Variants in HHIP observed in about 807,000 individuals in gnomAD.
HHIP encodes the protein hedgehog-interacting protein.
In HHIP, 12 loss-of-function variants were observed where a neutral mutation model predicts 74.0. The observed-to-expected ratio is 0.16, with a 90% CI of 0.10 to 0.26. The LOEUF is 0.26. Ranked by LOEUF, HHIP falls within the 10% of genes least tolerant of loss-of-function variation. The probability of loss-of-function intolerance (pLI) is 1.00; values close to 1 mark genes in which losing one functional copy is unlikely to be tolerated. For synonymous variants in HHIP, 309 were observed against 311.6 expected (o/e 0.99, Z 0.09); for missense variants, 788 against 845.0 (o/e 0.93, Z 0.84).
In HHIP at chr4:144,711,935, C is replaced by T. The variant is rs764652770; in HGVS notation, c.1302-15C>T. 2.5e-6 allele frequency: 4 copies of T among 1,609,878 alleles called. No homozygotes were observed. Among genetic ancestry groups the T allele is most frequent in the Middle Eastern group, 1.7e-4 (1 of 6,030 alleles). On this transcript the variant is annotated splice_polypyrimidine_tract_variant and intron_variant, in intron 7 of 12. Transcript: ENST00000296575. ...TCACGGTAGGAATTAATGTGTATCC[C>T]CTCTTGTTATGCAGATGTGCTGTGG... is the stretch of plus-strand genomic sequence containing the variant.
At position 144,728,983 on chromosome 4, in the gene HHIP, GAAGA is replaced by G. The variant is rs577787060; in HGVS notation, c.1761-5751_1761-5748del. ...TACTCCTTATAAGTAAACTGACACT[GAAGA>G]AAGAAACACCGATATGACCAGGAAA... On this transcript the variant is annotated intron_variant, in intron 11 of 12. Transcript: ENST00000296575. 6.4e-3 allele frequency among the ~76,000 whole-genome samples: 968 copies of G among 152,224 alleles called. 9 individuals are homozygous for G. The highest frequency in any genetic ancestry group is 0.023 in the African/African-American group (940 of 41,550).
At chr4:144,711,095 C>G (rs558832743) in intron 7 of HHIP, among the ~76,000 whole-genome samples, 70 of 152,236 alleles carry the variant, frequency 4.6e-4, no homozygotes, top group African/African-American at 1.6e-3. Context: ...CAGAGATACT[C>G]TGGCCCCCAG....
rs747330508 is a variant in HHIP at position 144,741,223 on chromosome 4, C to A, written c.*3266C>A. 1 of 151,806 alleles carries A rather than the reference C, an allele frequency of 6.6e-6. No individual in the cohort carries two copies. Among genetic ancestry groups the A allele is most frequent in the African/African-American group, 2.4e-5 (1 of 41,314 alleles). 9.4% of individuals were successfully genotyped at this position (151,806 alleles called of 1,614,324 possible). A position where few individuals can be genotyped will look rare whatever the true frequency, so the allele number is the denominator to read the frequency against. On this transcript the variant is annotated 3_prime_UTR_variant, in exon 13 of 13. Transcript: ENST00000296575. ...ATCTCATAAAGAGTAGAGAAACCAA[C>A]ACATACAATATATACACACAACCTA...
intron 4 of HHIP, among the ~76,000 whole-genome samples, chr4:144,704,986 A>G (rs1449572583): frequency 1.3e-5 from 2 of 152,248 alleles, no homozygotes; most frequent in African/African-American, 2.4e-5. Context: ...TCATTCATAT[A>G]TCGGTCATTA....
intron 4 of HHIP, among the ~76,000 whole-genome samples, chr4:144,691,350 G>C (rs1004807832): frequency 6.6e-6 from 1 of 152,134 alleles, no homozygotes; most frequent in Non-Finnish European, 1.5e-5. Context: ...TTGAGTCCCT[G>C]ATTCCTGCTG....
intron 8 of HHIP, 133 bp downstream of exon 8, chr4:144,712,204 C>A: frequency 2.7e-6 from 2 of 746,196 alleles, no homozygotes; most frequent in Non-Finnish European, 4.4e-6. Flanking sequence ...AACAATCATG[C>A]AGGAGTAAAT....
At chr4:144,722,405 G>A (rs1022843458) in intron 11 of HHIP, among the ~76,000 whole-genome samples, 3 of 152,086 alleles carry the variant, frequency 2.0e-5, no homozygotes, top group East Asian at 1.9e-4. Context: ...GGGCTGTGAA[G>A]GTGTTTAAAT....
chr4:144,739,457 C>T lies in HHIP; in HGVS notation c.*1500C>T, dbSNP rs1349669857. The T allele has an allele frequency of 1.3e-5, 2 of 152,220 alleles. No individual in the cohort carries two copies. The highest frequency in any genetic ancestry group is 4.8e-5 in the African/African-American group (2 of 41,464). The allele number at this position is 152,220 out of a possible 1,614,324, so 9.4% of individuals were successfully genotyped here. ...CGCCAGCTGACTTTCTAAACCTTCTCCTTACCTTTAGGAATACAAGCCTCA... is the reference window on the plus strand; with the variant it reads ...CGCCAGCTGACTTTCTAAACCTTCTTCTTACCTTTAGGAATACAAGCCTCA... On this transcript the variant is annotated 3_prime_UTR_variant, in exon 13 of 13. Coordinates refer to ENST00000296575, the MANE Select transcript of HHIP (RefSeq NM_022475.3).
intron 5 of HHIP, 52 bp from the exon 6 acceptor site, chr4:144,707,035 C>G: frequency 6.8e-7 from 1 of 1,461,018 alleles, no homozygotes; most frequent in Non-Finnish European, 9.6e-7. Context: ...TTCTGATGGA[C>G]TCATCTTAAA....
chr4:144,693,625 T>A (rs1005283590), intron 4 of HHIP, among the ~76,000 whole-genome samples: 2 of 152,142 alleles, frequency 1.3e-5, no homozygotes, highest in African/African-American at 4.8e-5. Flanking sequence ...ACTTTCTTTA[T>A]AAATCCTATT....
chr4:144,733,955 C>T (rs1218790129), intron 11 of HHIP, among the ~76,000 whole-genome samples: 1 of 152,096 alleles, frequency 6.6e-6, no homozygotes, highest in East Asian at 1.9e-4. Context: ...TGACTTTTTA[C>T]ACTGCAAATA....
intron 1 of HHIP, among the ~76,000 whole-genome samples, chr4:144,647,483 G>A (rs1578671216): frequency 2.0e-5 from 3 of 152,212 alleles, no homozygotes; most frequent in Admixed American, 2.0e-4. Flanking sequence ...CCAACAGAAA[G>A]GAACTCCTGG....
Position 144,652,776 on chromosome 4 carries a change from A to T in HHIP, c.451A>T (p.Thr151Ser), listed in dbSNP as rs1351392295. The change falls in exon 2 of 13, where the codon ACT becomes TCT. Residue 151 changes from threonine to serine, a missense_variant. This residue lies in a region of HHIP where 373 missense variants were observed against 366.4 expected (regional missense o/e 1.02). Transcript: ENST00000296575. ...AGACTATTGCAAAGAATTCTTTTAC[A>T]CTTGCCGAGGCCATATTCCAGGTAA... Reference protein sequence around the residue: ...CKDYCKEFFYTCRGHIPGFLQ... With the variant: ...CKDYCKEFFYSCRGHIPGFLQ... The T allele has an allele frequency of 6.3e-7, 1 of 1,597,236 alleles. No homozygotes were observed. The highest frequency in any genetic ancestry group is 8.5e-7 in the Non-Finnish European group (1 of 1,175,324).
At chr4:144,728,089 A>C (rs992355914) in intron 11 of HHIP, among the ~76,000 whole-genome samples, 3 of 152,242 alleles carry the variant, frequency 2.0e-5, no homozygotes, top group Admixed American at 6.5e-5. Context: ...ATCTTTAACC[A>C]CAGAAGAAAA....
intron 11 of HHIP, among the ~76,000 whole-genome samples, chr4:144,728,820 G>C (rs1438090101): frequency 2.6e-5 from 4 of 152,064 alleles, no homozygotes. Context: ...TCTTCTACCT[G>C]GAATATGGTT....
intron 4 of HHIP, among the ~76,000 whole-genome samples, chr4:144,682,379 G>C (rs187046394): frequency 6.6e-6 from 1 of 152,228 alleles, no homozygotes; most frequent in South Asian, 2.1e-4. Context: ...GGGCCACATG[G>C]CACCACGTTT....
rs1731335813 is a variant in HHIP, at chr4:144,744,660, A to G, written c.*6703A>G. On this transcript the variant is annotated 3_prime_UTR_variant, in exon 13 of 13. Transcript: ENST00000296575. ...ATTTAACCAAGTTATTATAATATGC[A>G]GTTCTCTTTAATCAATCTTCTATTA... is the stretch of plus-strand genomic sequence containing the variant. 1 of 152,244 alleles carries G rather than the reference A, an allele frequency of 6.6e-6. No homozygotes were observed. Among genetic ancestry groups the G allele is most frequent in the Non-Finnish European group, 1.5e-5 (1 of 68,044 alleles). The allele number at this position is 152,244 out of a possible 1,614,324, so 9.4% of individuals were successfully genotyped here. A position where few individuals can be genotyped will look rare whatever the true frequency, so the allele number is the denominator to read the frequency against.
chr4:144,688,392 CTT>C (rs879313121), intron 4 of HHIP, among the ~76,000 whole-genome samples: 1 of 146,304 alleles, frequency 6.8e-6, no homozygotes, highest in African/African-American at 2.5e-5. Context: ...ATTGGAGAGT[CTT>C]TTTTTTTTTG....
chr4:144,730,862 C>T (rs1429307268), intron 11 of HHIP, among the ~76,000 whole-genome samples: 2 of 151,968 alleles, frequency 1.3e-5, no homozygotes, highest in African/African-American at 4.8e-5. Context: ...GTTGGAATCA[C>T]CAAAAATCTT....
Sources: gnomAD v4.1 joint callset for allele counts (sites outside exome capture counted in the v4.1 genomes callset) on GRCh38, gnomAD v4.1.1 for gene constraint, gnomAD v4.1.1 regional missense constraint, MANE v1.5 for transcripts, NCBI Gene and HGNC (gene_info 2026-07-23, HGNC 2026-07-21) for gene names.